Variants in MYZAP observed in about 807,000 individuals in gnomAD.
MYZAP encodes the protein GRINL1A complex locus upstream.
Under a neutral mutation model 69.4 loss-of-function variants are expected in MYZAP, and 66 were observed. That is an observed-to-expected ratio of 0.95 (90% CI 0.78 to 1.17). The LOEUF is 1.17. Ranked by LOEUF, MYZAP falls within the 50% of genes most tolerant of loss-of-function variation. The pLI, the probability that MYZAP is intolerant of heterozygous loss-of-function variation, is 0.00. For missense variants in MYZAP, 611 were observed against 556.2 expected, an observed-to-expected ratio of 1.10 and a Z score of -0.99; for synonymous variants, 256 against 205.9, an observed-to-expected ratio of 1.24 and a Z score of -2.09.
intron 10 of MYZAP, among the ~76,000 whole-genome samples, chr15:57,644,083 A>C (rs2037315216): frequency 6.6e-6 from 1 of 152,250 alleles, no homozygotes; most frequent in Non-Finnish European, 1.5e-5. Flanking sequence ...GGATGGAGGC[A>C]GACTGAGCAT....
At chr15:57,645,023 C>T (rs2037370459) in intron 10 of MYZAP, among the ~76,000 whole-genome samples, 1 of 152,224 alleles carries the variant, frequency 6.6e-6, no homozygotes, top group Non-Finnish European at 1.5e-5. Flanking sequence ...CTGCCTCGCC[C>T]TGCTTTAAAT....
chr15:57,655,041 GA>G (rs1188329492), intron 10 of MYZAP, among the ~76,000 whole-genome samples: 2 of 152,094 alleles, frequency 1.3e-5, no homozygotes, highest in Non-Finnish European at 2.9e-5. Context: ...TAGTACAAGG[GA>G]AAAAAGTCAA....
chr15:57,633,332 A>G (rs2036617469), intron 7 of MYZAP, among the ~76,000 whole-genome samples: 1 of 152,228 alleles, frequency 6.6e-6, no homozygotes, highest in African/African-American at 2.4e-5. Context: ...CAATGTTATT[A>G]AACATTTGTA....
intron 1 of MYZAP, among the ~76,000 whole-genome samples, chr15:57,595,143 G>A (rs1336357593): frequency 6.6e-6 from 1 of 152,164 alleles, no homozygotes; most frequent in Non-Finnish European, 1.5e-5. Flanking sequence ...TTGTTCAATG[G>A]CTGCCACCTG....
chr15:57,671,047 G>A (rs1230658586), intron 11 of MYZAP, among the ~76,000 whole-genome samples: 6 of 152,130 alleles, frequency 3.9e-5, no homozygotes, highest in Middle Eastern at 3.4e-3. Context: ...TATTTCTGAA[G>A]GTCTGAGTTT....
intron 3 of MYZAP, among the ~76,000 whole-genome samples, chr15:57,619,947 C>G (rs1432241994): frequency 6.6e-6 from 1 of 152,122 alleles, no homozygotes; most frequent in Admixed American, 6.5e-5. Context: ...TGATCCGCAA[C>G]TTAAAACTAA....
chr15:57,628,265 T>G (rs1232270556), intron 5 of MYZAP, among the ~76,000 whole-genome samples: 1 of 152,122 alleles, frequency 6.6e-6, no homozygotes, highest in Admixed American at 6.5e-5. Flanking sequence ...CATTTTTTTC[T>G]TTTTCTTTTT....
intron 8 of MYZAP, among the ~76,000 whole-genome samples, chr15:57,636,227 T>C (rs1249672839): frequency 1.3e-5 from 2 of 152,180 alleles, no homozygotes; most frequent in Non-Finnish European, 2.9e-5. Context: ...TCCAACCACA[T>C]AGGGGCAGGA....
chr15:57,607,556 C>T (rs2034832970), intron 2 of MYZAP, among the ~76,000 whole-genome samples: 1 of 152,168 alleles, frequency 6.6e-6, no homozygotes, highest in Non-Finnish European at 1.5e-5. Context: ...CTCCCTTTAC[C>T]CCTCAGCCCC....
intron 10 of MYZAP, among the ~76,000 whole-genome samples, chr15:57,640,178 T>G (rs2037067195): frequency 6.6e-6 from 1 of 152,230 alleles, no homozygotes; most frequent in Non-Finnish European, 1.5e-5. Flanking sequence ...AACGGGTAAG[T>G]TGAACATTTC....
At chr15:57,675,546 A>G (rs79989518) in intron 12 of MYZAP, among the ~76,000 whole-genome samples, 1,814 of 152,296 alleles carry the variant, frequency 0.012, 19 homozygotes, top group African/African-American at 0.029. Flanking sequence ...AACAAAAGTC[A>G]TCTGTTCCTC....
At chr15:57,684,315 C>A in intron 12 of MYZAP, 87 bp from the exon 13 acceptor site, 2 of 831,976 alleles carry the variant, frequency 2.4e-6, no homozygotes, top group South Asian at 1.4e-5. Context: ...ACTTAAACAC[C>A]ATTTTCTAGA....
rs760759277 is a variant in MYZAP, at chr15:57,618,161, G to A, written c.291G>A (p.Leu97=). The A allele has an allele frequency of 6.2e-7, 1 of 1,614,078 alleles. No homozygotes were observed. Among genetic ancestry groups the A allele is most frequent in the East Asian group, 2.2e-5 (1 of 44,890 alleles). ...TGTATGGGTGGTCCACCAGTCAGCT[G>A]AAAGAAGAGATGAACTACATCAAAG... The part of the protein sequence containing the change: ...MVVYGWSTSQ[L]KEEMNYIKDV... The change falls in exon 3 of 13, where the codon CTG becomes CTA. Residue 97 remains leucine (L), a synonymous_variant. Coordinates refer to ENST00000267853, the MANE Select transcript of MYZAP (RefSeq NM_001018100.5).
intron 10 of MYZAP, among the ~76,000 whole-genome samples, chr15:57,655,870 T>C (rs1356323742): frequency 3.3e-5 from 5 of 152,236 alleles, no homozygotes; most frequent in Non-Finnish European, 7.3e-5. Flanking sequence ...CCTACTGTTT[T>C]GTATTTAAAT....
rs778041742 is a variant in MYZAP, at chr15:57,675,051, C to T, written c.1287C>T (p.Gly429=). The part of the protein sequence containing the change: ...TEVETREIGV[G]CDLLPSQTGR... ...TGGAAACCAGAGAGATAGGAGTGGG[C>T]TGTGATCTTCTACCCAGGTATTTAG... Residue 429 remains glycine, a synonymous_variant, in exon 12 of 13, where the codon GGC becomes GGT. Coordinates refer to ENST00000267853, the MANE Select transcript of MYZAP (RefSeq NM_001018100.5). The T allele has an allele frequency of 6.2e-7, 1 of 1,611,952 alleles. No individual in the cohort carries two copies. Among genetic ancestry groups the T allele is most frequent in the Non-Finnish European group, 8.5e-7 (1 of 1,178,976 alleles).
rs1567233403 is a variant in MYZAP at position 57,661,477 on chromosome 15, C to G, written c.1147C>G (p.Gln383Glu). 6.2e-7 allele frequency: 1 copy of G among 1,608,872 alleles called. No individual in the cohort carries two copies. The highest frequency in any genetic ancestry group is 2.2e-5 in the East Asian group (1 of 44,776). ...TGAATCATTAAAGAAAAAGTTGCAACAGAAACAGCTCTTAATACTGCAGCT... is the reference window on the plus strand; with the variant it reads ...TGAATCATTAAAGAAAAAGTTGCAAGAGAAACAGCTCTTAATACTGCAGCT... ...EIESLKKKLQ[Q>E]KQLLILQLLE... Residue 383 changes from glutamine (Q) to glutamate (E), a missense_variant, in exon 11 of 13, where the codon CAG (glutamine) becomes GAG (glutamate). Transcript: ENST00000267853.
intron 12 of MYZAP, among the ~76,000 whole-genome samples, chr15:57,675,640 C>A (rs542603641): frequency 6.6e-6 from 1 of 152,120 alleles, no homozygotes; most frequent in Non-Finnish European, 1.5e-5. Flanking sequence ...TATGTGATAA[C>A]TATAACCTGG....
At chr15:57,605,536 T>C (rs2034687382) in intron 2 of MYZAP, among the ~76,000 whole-genome samples, 1 of 152,190 alleles carries the variant, frequency 6.6e-6, no homozygotes, top group Non-Finnish European at 1.5e-5. Context: ...AAGTTTACCA[T>C]AGGTCTCTGT....
At chr15:57,632,347 T>G in intron 6 of MYZAP, 87 bp from the exon 7 acceptor site, 1 of 1,585,408 alleles carries the variant, frequency 6.3e-7, no homozygotes, top group Non-Finnish European at 8.6e-7. Flanking sequence ...ACTACCTCTG[T>G]GAGTCCCCAC....
Sources: gnomAD v4.1 joint callset for allele counts (sites outside exome capture counted in the v4.1 genomes callset) on GRCh38, gnomAD v4.1.1 for gene constraint, MANE v1.5 for transcripts, NCBI Gene and HGNC (gene_info 2026-07-23, HGNC 2026-07-21) for gene names.